The following SDK1 variants were observed in gnomAD, a reference collection of about 807,000 sequenced individuals.
SDK1 encodes protein sidekick-1.
Under a neutral mutation model 245.5 loss-of-function variants are expected in SDK1, and 157 were observed. That is an observed-to-expected ratio of 0.64 (90% CI 0.56 to 0.73). The LOEUF (loss-of-function observed/expected upper bound fraction) is 0.73. SDK1 is among the 30% of genes least tolerant of loss of function. The pLI is 0.00. For missense variants in SDK1, 3,583 were observed against 3,002.3 expected (o/e 1.19, Z -4.52); for synonymous variants, 1,647 against 1,278.5 (o/e 1.29, Z -6.15).
chr7:3,611,708 T>C (rs1027496344), intron 1 of SDK1, among the ~76,000 whole-genome samples: 10 of 152,098 alleles, frequency 6.6e-5, no homozygotes, highest in Non-Finnish European at 1.2e-4. Flanking sequence ...TGCCAACATC[T>C]ATTATTTTTT....
In SDK1 at chr7:4,268,340, G is replaced by A; in HGVS notation, c.*2956G>A. On this transcript the variant is annotated 3_prime_UTR_variant, in exon 45 of 45. Transcript: ENST00000404826. The stretch of plus-strand genomic sequence containing the variant: ...TTCCAGGCAGGTGAGCCCAGAGAGA[G>A]CTGCCAGGCCACACCCCCTCGGCCT... The A allele has an allele frequency of 9.6e-7, 1 of 1,040,180 alleles. No individual in the cohort carries two copies. The highest frequency in any genetic ancestry group is 3.2e-5 in the South Asian group (1 of 30,852). 64.4% of individuals were successfully genotyped at this position (1,040,180 alleles called of 1,614,324 possible).
At chr7:3,759,878 C>A (rs1313981244) in intron 4 of SDK1, among the ~76,000 whole-genome samples, 2 of 152,136 alleles carry the variant, frequency 1.3e-5, no homozygotes, top group African/African-American at 4.8e-5. Flanking sequence ...CAGGTGTGAG[C>A]CACTGTGCCC....
intron 4 of SDK1, among the ~76,000 whole-genome samples, chr7:3,721,299 C>G (rs1345483608): frequency 6.6e-6 from 1 of 152,176 alleles, no homozygotes; most frequent in East Asian, 1.9e-4. Context: ...TCTATGAATT[C>G]TCCCAACATC....
At chr7:3,368,404 C>T (rs943791807) in intron 1 of SDK1, among the ~76,000 whole-genome samples, 9 of 152,166 alleles carry the variant, frequency 5.9e-5, no homozygotes, top group African/African-American at 2.2e-4. Context: ...ACATTTTTCT[C>T]CAATGGATTT....
At chr7:3,385,605 T>A (rs1363220038) in intron 1 of SDK1, among the ~76,000 whole-genome samples, 1 of 152,152 alleles carries the variant, frequency 6.6e-6, no homozygotes, top group Non-Finnish European at 1.5e-5. Flanking sequence ...ACTTGCCATT[T>A]CTTTCCATCT....
intron 1 of SDK1, among the ~76,000 whole-genome samples, chr7:3,387,638 G>A (rs1209348481): frequency 1.3e-5 from 2 of 152,140 alleles, no homozygotes; most frequent in African/African-American, 4.8e-5. Flanking sequence ...GAGAGTTCTG[G>A]GGATGTATAG....
intron 4 of SDK1, among the ~76,000 whole-genome samples, chr7:3,778,226 A>C (rs1165623853): frequency 6.6e-6 from 1 of 151,858 alleles, no homozygotes; most frequent in Non-Finnish European, 1.5e-5. Flanking sequence ...GTTTCATTTG[A>C]AGCTGGAGGT....
chr7:3,519,769 T>C (rs555505690), intron 1 of SDK1, among the ~76,000 whole-genome samples: 1 of 152,298 alleles, frequency 6.6e-6, no homozygotes, highest in East Asian at 1.9e-4. Flanking sequence ...AGGAGACTCA[T>C]ATAATAGAAT....
intron 1 of SDK1, among the ~76,000 whole-genome samples, chr7:3,472,000 C>T (rs1220045663): frequency 6.6e-6 from 1 of 152,144 alleles, no homozygotes; most frequent in Non-Finnish European, 1.5e-5. Context: ...TAGTCTTGAG[C>T]ATTTTTTCAC....
intron 1 of SDK1, among the ~76,000 whole-genome samples, chr7:3,475,492 C>T (rs1781324958): frequency 1.3e-5 from 2 of 152,234 alleles, no homozygotes; most frequent in Non-Finnish European, 1.5e-5. Context: ...AAAAATCAAG[C>T]AGGACAAAGG....
intron 1 of SDK1, among the ~76,000 whole-genome samples, chr7:3,575,868 G>T (rs989801483): frequency 1.3e-5 from 2 of 151,950 alleles, no homozygotes; most frequent in African/African-American, 4.8e-5. Context: ...TTTATTAAAG[G>T]TGCAAGTTCC....
At chr7:3,763,013 A>C (rs1027557463) in intron 4 of SDK1, among the ~76,000 whole-genome samples, 1 of 152,056 alleles carries the variant, frequency 6.6e-6, no homozygotes, top group African/African-American at 2.4e-5. Context: ...GGAATTCAAG[A>C]TAGGAGAGTA....
At chr7:3,600,415 T>C (rs1344680879) in intron 1 of SDK1, among the ~76,000 whole-genome samples, 1 of 152,196 alleles carries the variant, frequency 6.6e-6, no homozygotes, top group East Asian at 1.9e-4. Context: ...ACATCTTTTA[T>C]TTATTTTTAT....
chr7:4,194,327 C>T (rs531454331), intron 35 of SDK1, among the ~76,000 whole-genome samples: 14 of 110,550 alleles, frequency 1.3e-4, no homozygotes, highest in Admixed American at 7.9e-4. Flanking sequence ...TATGTATGCA[C>T]GTATGTGTAT....
At chr7:3,945,324 C>T (rs1390417886) in intron 5 of SDK1, among the ~76,000 whole-genome samples, 1 of 152,164 alleles carries the variant, frequency 6.6e-6, no homozygotes, top group Non-Finnish European at 1.5e-5. Flanking sequence ...CAGTTGACAT[C>T]TCCTGGTTCA....
chr7:3,560,326 A>C (rs367969003), intron 1 of SDK1, among the ~76,000 whole-genome samples: 5 of 152,148 alleles, frequency 3.3e-5, no homozygotes, highest in African/African-American at 1.2e-4. Context: ...TATGTCTTTT[A>C]TCTTTATTTC....
intron 1 of SDK1, among the ~76,000 whole-genome samples, chr7:3,406,734 C>A (rs68165343): frequency 0.17 from 25,330 of 152,012 alleles, 3,467 homozygotes; most frequent in African/African-American, 0.38. Context: ...TTTTTGAATG[C>A]TGGAGAAAGC....
intron 2 of SDK1, among the ~76,000 whole-genome samples, chr7:3,629,890 A>G (rs1782238195): frequency 6.6e-6 from 1 of 152,234 alleles, no homozygotes. Context: ...ACAGAGAAAG[A>G]TAATGAAACA....
chr7:3,719,447 C>A (rs1278016674), intron 4 of SDK1, among the ~76,000 whole-genome samples: 1 of 151,984 alleles, frequency 6.6e-6, no homozygotes, highest in Non-Finnish European at 1.5e-5. Context: ...GGAAAAGAGA[C>A]ATAGGTCAGT....
Sources: gnomAD v4.1 joint callset for allele counts (sites outside exome capture counted in the v4.1 genomes callset) on GRCh38, gnomAD v4.1.1 for gene constraint, MANE v1.5 for transcripts, NCBI Gene and HGNC (gene_info 2026-07-23, HGNC 2026-07-21) for gene names.